Variants in SND1 observed in about 807,000 individuals in gnomAD.
SND1 encodes the protein staphylococcal nuclease domain-containing protein 1.
SND1 carries 38 observed loss-of-function variants against 121.7 expected under a neutral mutation model. The observed-to-expected ratio is 0.31, with a 90% confidence interval of 0.24 to 0.41. The LOEUF is 0.41. Among genes scored for constraint, SND1 ranks in the 10% least tolerant of loss-of-function variants. SND1 has a pLI of 1.00. For synonymous variants in SND1, 401 were observed against 447.4 expected (o/e 0.90, Z 1.31); for missense variants, 868 against 1,184.6 (o/e 0.73, Z 3.92).
At chr7:127,926,718 ATTTTGTTGT>A (rs1260323678) in intron 14 of SND1, among the ~76,000 whole-genome samples, 24 of 72,124 alleles carry the variant, frequency 3.3e-4, no homozygotes, top group South Asian at 1.1e-3. Context: ...ACACCCGGCT[ATTTTGTTGT>A]TGTTGTTGTT....
chr7:128,083,293 A>G (rs1793636656), intron 18 of SND1, among the ~76,000 whole-genome samples: 1 of 152,220 alleles, frequency 6.6e-6, no homozygotes, highest in Non-Finnish European at 1.5e-5. Flanking sequence ...TTGGAGCAAA[A>G]AAAATGAAAG....
chr7:128,080,162 T>C (rs1030819931), intron 17 of SND1, among the ~76,000 whole-genome samples: 1 of 152,234 alleles, frequency 6.6e-6, no homozygotes, highest in East Asian at 1.9e-4. Context: ...TAATCATCCT[T>C]ATTCCTGTGT....
intron 9 of SND1, among the ~76,000 whole-genome samples, chr7:127,713,567 G>A (rs1796332958): frequency 6.6e-6 from 1 of 152,140 alleles, no homozygotes; most frequent in Non-Finnish European, 1.5e-5. Flanking sequence ...CAATCACCCT[G>A]TTTTTTAGGA....
At chr7:127,886,798 A>C (rs547376361) in intron 12 of SND1, among the ~76,000 whole-genome samples, 1 of 150,100 alleles carries the variant, frequency 6.7e-6, no homozygotes, top group Admixed American at 6.7e-5. Flanking sequence ...GATGCAGGCC[A>C]CATAGAGTGG....
At chr7:127,781,794 T>C (rs1172902610) in intron 10 of SND1, among the ~76,000 whole-genome samples, 4 of 152,238 alleles carry the variant, frequency 2.6e-5, no homozygotes, top group South Asian at 2.1e-4. Flanking sequence ...TCAGTAATAA[T>C]GAAAATGTTC....
intron 13 of SND1, among the ~76,000 whole-genome samples, chr7:127,899,718 T>C (rs912061936): frequency 1.1e-4 from 16 of 152,270 alleles, no homozygotes; most frequent in African/African-American, 3.8e-4. Flanking sequence ...TGGTGTGCAA[T>C]ATTCAGTCAA....
chr7:127,770,833 A>G (rs1797500569), intron 10 of SND1, among the ~76,000 whole-genome samples: 1 of 152,204 alleles, frequency 6.6e-6, no homozygotes, highest in Admixed American at 6.5e-5. Flanking sequence ...TTGCTTAATT[A>G]CATAAAATGC....
At chr7:127,973,067 T>G (rs1174057402) in intron 15 of SND1, among the ~76,000 whole-genome samples, 2 of 151,978 alleles carry the variant, frequency 1.3e-5, no homozygotes, top group Non-Finnish European at 2.9e-5. Context: ...TGAGAAGAGG[T>G]GTGCAGCCTG....
rs183880753 is a variant in SND1, at chr7:127,976,875, C to T, written c.1670-14072C>T. 2.8e-3 allele frequency among the ~76,000 whole-genome samples: 429 copies of T among 152,288 alleles called. 3 individuals are homozygous for T. The highest frequency in any genetic ancestry group is 9.8e-3 in the African/African-American group (407 of 41,558). On this transcript the variant is annotated intron_variant, in intron 15 of 23. Coordinates refer to ENST00000354725, the MANE Select transcript of SND1 (RefSeq NM_014390.4). Reference sequence around the variant, plus strand: ...AGAGAATGAAAGCTGGAATGGAGGCCGTGGAGGCAGGAAACCTTTGCTGGG... The same window carrying T: ...AGAGAATGAAAGCTGGAATGGAGGCTGTGGAGGCAGGAAACCTTTGCTGGG...
chr7:127,756,932 T>C (rs1005810814), intron 10 of SND1, among the ~76,000 whole-genome samples: 1 of 152,214 alleles, frequency 6.6e-6, no homozygotes, highest in Non-Finnish European at 1.5e-5. Context: ...AAAATACTTT[T>C]TAAATTGAGG....
At position 128,083,240 on chromosome 7, in the gene SND1, G is replaced by A. The variant is rs779386506; in HGVS notation, c.2111-1484G>A. ...GAGGCTCTGTAAGGACCTCCCAGAGGGCTTTGCCTGTTGGCAGGAGACAAA... is the reference window on the plus strand; with the variant it reads ...GAGGCTCTGTAAGGACCTCCCAGAGAGCTTTGCCTGTTGGCAGGAGACAAA... On this transcript the variant is annotated intron_variant, in intron 18 of 23. Transcript: ENST00000354725. Among the ~76,000 whole-genome samples, 45 of 152,182 alleles carry A rather than the reference G, an allele frequency of 3.0e-4. 1 individual carries two copies. The highest frequency in any genetic ancestry group is 1.3e-4 in the Non-Finnish European group (9 of 68,030).
At chr7:128,090,375 C>T (rs1436866729) in intron 22 of SND1, among the ~76,000 whole-genome samples, 1 of 152,182 alleles carries the variant, frequency 6.6e-6, no homozygotes, top group Non-Finnish European at 1.5e-5. Flanking sequence ...CCCTTCCACC[C>T]AACACTATAC....
At chr7:127,992,526 A>G (rs1802544883) in intron 16 of SND1, among the ~76,000 whole-genome samples, 2 of 152,214 alleles carry the variant, frequency 1.3e-5, no homozygotes, top group Admixed American at 1.3e-4. Context: ...ATTGTGAAGG[A>G]TGCAGCAACA....
intron 10 of SND1, among the ~76,000 whole-genome samples, chr7:127,741,316 C>T (rs758528710): frequency 6.6e-6 from 1 of 152,192 alleles, no homozygotes; most frequent in Admixed American, 6.5e-5. Context: ...TCTAAAATGA[C>T]TCTTAAATAT....
At chr7:127,731,065 G>T (rs578091394) in intron 10 of SND1, among the ~76,000 whole-genome samples, 5 of 152,338 alleles carry the variant, frequency 3.3e-5, no homozygotes, top group Non-Finnish European at 5.9e-5. Context: ...ATGCGGAAGC[G>T]GTAGGTGGAG....
intron 11 of SND1, among the ~76,000 whole-genome samples, chr7:127,835,064 C>G: frequency 6.6e-6 from 1 of 152,170 alleles, no homozygotes; most frequent in Non-Finnish European, 1.5e-5. Context: ...TTAGATTTCC[C>G]TGGTATTTTG....
At chr7:127,751,319 T>G (rs971855460) in intron 10 of SND1, among the ~76,000 whole-genome samples, 1 of 152,176 alleles carries the variant, frequency 6.6e-6, no homozygotes, top group Admixed American at 6.5e-5. Flanking sequence ...CTCCGATACT[T>G]GAGTCATTTG....
chr7:127,781,185 C>G (rs1254286254), intron 10 of SND1, among the ~76,000 whole-genome samples: 2 of 152,208 alleles, frequency 1.3e-5, no homozygotes, highest in African/African-American at 4.8e-5. Context: ...ACATGGGAAG[C>G]TGAACTTAAA....
intron 15 of SND1, among the ~76,000 whole-genome samples, chr7:127,930,167 A>T (rs1800932202): frequency 6.6e-6 from 1 of 151,558 alleles, no homozygotes; most frequent in African/African-American, 2.4e-5. Context: ...ACACACAAAT[A>T]TTCATTCACT....
Sources: gnomAD v4.1 joint callset for allele counts (sites outside exome capture counted in the v4.1 genomes callset) on GRCh38, gnomAD v4.1.1 for gene constraint, MANE v1.5 for transcripts, NCBI Gene and HGNC (gene_info 2026-07-23, HGNC 2026-07-21) for gene names.